GFRA2: variants seen among roughly 807,000 people sequenced by gnomAD.
GFRA2 encodes GDNF family receptor alpha-2.
A neutral mutation model predicts 48.3 loss-of-function variants in GFRA2; 17 were observed. The ratio of observed to expected loss-of-function variants is 0.35; its 90% CI spans 0.24 to 0.53. GFRA2 has a LOEUF of 0.53. Among genes scored for constraint, GFRA2 ranks in the 20% least tolerant of loss-of-function variants. The pLI, the probability that GFRA2 is intolerant of heterozygous loss-of-function variation, is 0.93. For synonymous variants in GFRA2, 305 were observed against 257.2 expected (o/e 1.19, Z -1.78); for missense variants, 660 against 637.3 (o/e 1.04, Z -0.38).
chr8:21,700,247 T>C lies in GFRA2; in HGVS notation c.1218+2558A>G, dbSNP rs1585224843. 3.9e-5 allele frequency among the ~76,000 whole-genome samples: 4 copies of C among 102,948 alleles called. 1 individual carries two copies. The highest frequency in any genetic ancestry group is 1.9e-4 in the African/African-American group (4 of 20,808). 67.5% of individuals were successfully genotyped at this position (102,948 alleles called of 152,430 possible). A position where few individuals can be genotyped will look rare whatever the true frequency, so the allele number is the denominator to read the frequency against. Reference sequence around the variant, plus strand: ...GGCAAGGGAATTCAGACAAGGTATATATTTAATATACCAGAAGGCCCCAGG... The same window carrying C: ...GGCAAGGGAATTCAGACAAGGTATACATTTAATATACCAGAAGGCCCCAGG... On this transcript the variant is annotated intron_variant, in intron 7 of 8. Coordinates refer to ENST00000524240, the MANE Select transcript of GFRA2 (RefSeq NM_001495.5).
At chr8:21,737,071 A>AG (rs1804504435) in intron 4 of GFRA2, among the ~76,000 whole-genome samples, 1 of 152,118 alleles carries the variant, frequency 6.6e-6, no homozygotes, top group Non-Finnish European at 1.5e-5. Flanking sequence ...GATGCTGGCA[A>AG]GGGGGCCTGC....
chr8:21,804,249 A>G (rs1807820578), intron 2 of GFRA2, among the ~76,000 whole-genome samples: 1 of 151,984 alleles, frequency 6.6e-6, no homozygotes. Context: ...CACAATTTAC[A>G]GTTCCAAGAT....
Position 21,766,820 on chromosome 8 carries a change from G to T in GFRA2, c.439+8152C>A, listed in dbSNP as rs563810964. On this transcript the variant is annotated intron_variant, in intron 3 of 8. Coordinates refer to ENST00000524240, the MANE Select transcript of GFRA2 (RefSeq NM_001495.5). ...ACACACACAAACCGCCCACCCACAC[G>T]CTCCACACACCTCATGCACATCACA... Among the ~76,000 whole-genome samples the T allele has an allele frequency of 9.1e-4, 127 of 139,036 alleles. 8 individuals are homozygous for T. The highest frequency in any genetic ancestry group is 1.4e-3 in the Non-Finnish European group (92 of 63,976). 91.2% of individuals were successfully genotyped at this position (139,036 alleles called of 152,430 possible). A position where few individuals can be genotyped will look rare whatever the true frequency, so the allele number is the denominator to read the frequency against.
In GFRA2 at chr8:21,702,799, C is replaced by T. The variant is rs1392024041; in HGVS notation, c.1218+6G>A. On this transcript the variant is annotated splice_donor_region_variant and intron_variant, in intron 7 of 8. Transcript: ENST00000524240. ...CTCCCCCCACGCCTCAGCCACACAC[C>T]CTCACCTGGACAGACGTGCAGGTGG... 3.1e-6 allele frequency: 5 copies of T among 1,593,336 alleles called. No individual in the cohort carries two copies. Among genetic ancestry groups the T allele is most frequent in the Non-Finnish European group, 4.3e-6 (5 of 1,170,666 alleles).
chr8:21,698,856 T>C (rs1802337041), intron 7 of GFRA2, among the ~76,000 whole-genome samples: 1 of 150,926 alleles, frequency 6.6e-6, no homozygotes, highest in Admixed American at 6.6e-5. Flanking sequence ...GTGCCTCGGC[T>C]CCGCTGCTGA....
intron 4 of GFRA2, among the ~76,000 whole-genome samples, chr8:21,742,434 C>A (rs533065109): frequency 6.6e-6 from 1 of 152,160 alleles, no homozygotes; most frequent in African/African-American, 2.4e-5. Flanking sequence ...ATCAAGGTGC[C>A]ATCAAGAACC....
At chr8:21,709,180 G>T (rs1207683578) in intron 4 of GFRA2, among the ~76,000 whole-genome samples, 2 of 152,156 alleles carry the variant, frequency 1.3e-5, no homozygotes, top group African/African-American at 4.8e-5. Context: ...TCTAATGCAG[G>T]AGTCCATTCT....
intron 4 of GFRA2, chr8:21,706,500 T>C (rs1343610073): frequency 2.2e-6 from 1 of 454,924 alleles, no homozygotes; most frequent in African/African-American, 2.0e-5. Flanking sequence ...GTCCCTTCCC[T>C]AGATGCTTCA....
At chr8:21,787,451 C>A (rs1006902506) in intron 1 of GFRA2, among the ~76,000 whole-genome samples, 1 of 152,212 alleles carries the variant, frequency 6.6e-6, no homozygotes, top group African/African-American at 2.4e-5. Flanking sequence ...CGGCTGCTCA[C>A]AACCCTCCGC....
chr8:21,754,993 G>T (rs1585301274), intron 3 of GFRA2, among the ~76,000 whole-genome samples: 2 of 152,278 alleles, frequency 1.3e-5, no homozygotes, highest in Admixed American at 1.3e-4. Context: ...CCCTATGATT[G>T]TAAAGGTATG....
intron 4 of GFRA2, among the ~76,000 whole-genome samples, chr8:21,724,756 G>C (rs762520221): frequency 1.3e-5 from 2 of 152,140 alleles, no homozygotes; most frequent in South Asian, 2.1e-4. Flanking sequence ...GAGCATTCAG[G>C]AGTTGGCAGG....
chr8:21,756,019 G>A (rs1805550626), intron 3 of GFRA2, among the ~76,000 whole-genome samples: 3 of 152,212 alleles, frequency 2.0e-5, no homozygotes, highest in Admixed American at 1.3e-4. Context: ...CTGGCTGCTG[G>A]CTGGAGGAGT....
intron 7 of GFRA2, 132 bp downstream of exon 7, chr8:21,702,673 G>A (rs893583997): frequency 1.9e-5 from 15 of 794,786 alleles, no homozygotes; most frequent in South Asian, 3.9e-5. Flanking sequence ...AATGACCCCC[G>A]GCAGCTCCTC....
chr8:21,791,270 A>G (rs1421493346), upstream of GFRA2, among the ~76,000 whole-genome samples: 2 of 152,140 alleles, frequency 1.3e-5, no homozygotes, highest in Admixed American at 1.3e-4. Context: ...CTCCCACGGG[A>G]GTAGGAAAGA....
intron 8 of GFRA2, 117 bp downstream of exon 8, chr8:21,694,345 TCA>T: frequency 1.0e-6 from 1 of 961,928 alleles, no homozygotes; most frequent in Non-Finnish European, 1.6e-6. Context: ...GTCCAGAAGC[TCA>T]GCTGGCCCAG....
chr8:21,765,435 A>T (rs1008756090), intron 3 of GFRA2, among the ~76,000 whole-genome samples: 1 of 151,770 alleles, frequency 6.6e-6, no homozygotes, highest in Non-Finnish European at 1.5e-5. Context: ...TGACACTTCT[A>T]CTTGACTTGG....
At chr8:21,748,821 C>A (rs374075907) in intron 4 of GFRA2, among the ~76,000 whole-genome samples, 13 of 152,208 alleles carry the variant, frequency 8.5e-5, no homozygotes, top group South Asian at 2.1e-4. Context: ...CAGCCTCCCC[C>A]GACTTGCCTC....
rs1801943762 is a variant in GFRA2 at position 21,692,949 on chromosome 8, T to C, written c.*329A>G. On this transcript the variant is annotated 3_prime_UTR_variant, in exon 9 of 9. Transcript: ENST00000524240. ...CAGAGTCCCTTCCGCTGCAGGCTCTTGTCCGGTCTCTGCTTCAGAAGGGTC... is the reference window on the plus strand; with the variant it reads ...CAGAGTCCCTTCCGCTGCAGGCTCTCGTCCGGTCTCTGCTTCAGAAGGGTC... The C allele has an allele frequency of 5.8e-6, 1 of 172,676 alleles. No homozygotes were observed. The highest frequency in any genetic ancestry group is 1.2e-5 in the Non-Finnish European group (1 of 81,284). 10.7% of individuals were successfully genotyped at this position (172,676 alleles called of 1,614,324 possible).
chr8:21,774,496 T>C (rs1031794227), intron 3 of GFRA2, among the ~76,000 whole-genome samples: 2 of 152,144 alleles, frequency 1.3e-5, no homozygotes, highest in African/African-American at 2.4e-5. Context: ...CCACAGCTGA[T>C]GCTGACTGAT....
Sources: allele counts gnomAD v4.1 joint callset (sites outside exome capture counted in the v4.1 genomes callset), GRCh38; gene constraint gnomAD v4.1.1; transcripts MANE v1.5; gene names NCBI Gene and HGNC (gene_info 2026-07-23, HGNC 2026-07-21).